The following ARPP21 variants were observed in gnomAD, a reference collection of about 807,000 sequenced individuals.
ARPP21 encodes the protein cAMP regulated phosphoprotein 21.
A neutral mutation model predicts 113.2 loss-of-function variants in ARPP21; 69 were observed. The ratio of observed to expected loss-of-function variants is 0.61; its 90% CI spans 0.50 to 0.74. ARPP21 has a LOEUF of 0.74. Ranked by LOEUF, ARPP21 falls within the 30% of genes least tolerant of loss-of-function variation. The pLI, the probability that ARPP21 is intolerant of heterozygous loss-of-function variation, is 0.00. For synonymous variants in ARPP21, 368 were observed against 375.5 expected (o/e 0.98, Z 0.23); for missense variants, 1,070 against 1,037.4 (o/e 1.03, Z -0.43).
chr3:35,723,628 A>C (rs1165171127), intron 14 of ARPP21, among the ~76,000 whole-genome samples: 1 of 152,222 alleles, frequency 6.6e-6, no homozygotes, highest in Non-Finnish European at 1.5e-5. Flanking sequence ...GTGCACTTAA[A>C]AATTCCAGCA....
chr3:35,788,898 C>T (rs2096686501), intron 19 of ARPP21, among the ~76,000 whole-genome samples: 1 of 152,210 alleles, frequency 6.6e-6, no homozygotes, highest in Non-Finnish European at 1.5e-5. Context: ...TTATAAACTC[C>T]TCGATCTTTG....
chr3:35,674,532 C>T (rs1348671626), intron 1 of ARPP21, among the ~76,000 whole-genome samples: 1 of 151,702 alleles, frequency 6.6e-6, no homozygotes, highest in African/African-American at 2.4e-5. Context: ...AATTATGATG[C>T]CTACCTACAA....
At chr3:35,657,149 T>A (rs1445308514) in intron 1 of ARPP21, among the ~76,000 whole-genome samples, 3 of 152,058 alleles carry the variant, frequency 2.0e-5, no homozygotes, top group Non-Finnish European at 4.4e-5. Context: ...GCTTTAAAAA[T>A]GATTTTCATG....
intron 1 of ARPP21, among the ~76,000 whole-genome samples, chr3:35,676,565 C>T (rs895148679): frequency 6.6e-6 from 1 of 151,906 alleles, no homozygotes; most frequent in African/African-American, 2.4e-5. Flanking sequence ...TAACAGAATG[C>T]CTGCACATGA....
At chr3:35,694,243 T>C (rs2083132895) in intron 9 of ARPP21, among the ~76,000 whole-genome samples, 2 of 151,520 alleles carry the variant, frequency 1.3e-5, no homozygotes, top group Admixed American at 6.6e-5. Context: ...TCTGTGAGGA[T>C]TACATATGTG....
At chr3:35,706,161 G>A (rs769963655) in intron 9 of ARPP21, among the ~76,000 whole-genome samples, 11 of 152,060 alleles carry the variant, frequency 7.2e-5, no homozygotes, top group East Asian at 1.9e-4. Context: ...AGAAACAAAC[G>A]TTTTAGCACT....
At chr3:35,692,154 G>A (rs952563026) in intron 9 of ARPP21, among the ~76,000 whole-genome samples, 3 of 151,650 alleles carry the variant, frequency 2.0e-5, no homozygotes, top group Admixed American at 1.3e-4. Context: ...ATATCTGCAG[G>A]ATAGTTTGAA....
At chr3:35,733,858 C>G (rs1186149141) in intron 15 of ARPP21, among the ~76,000 whole-genome samples, 1 of 152,112 alleles carries the variant, frequency 6.6e-6, no homozygotes, top group African/African-American at 2.4e-5. Context: ...TTTTTCTGTG[C>G]AATTATTTAG....
chr3:35,766,220 T>C (rs926314586), intron 19 of ARPP21, among the ~76,000 whole-genome samples: 3 of 152,266 alleles, frequency 2.0e-5, no homozygotes, highest in Admixed American at 6.5e-5. Context: ...ATTCTATTCA[T>C]TTGGTTAAAT....
In ARPP21 at chr3:35,712,967, T is replaced by C. The variant is rs955423992; in HGVS notation, c.898-2472T>C. On this transcript the variant is annotated intron_variant, in intron 11 of 20. Coordinates refer to ENST00000684406, the MANE Select transcript of ARPP21 (RefSeq NM_001385562.1). ...TTTCTGAAGGATATTTGTGTATAAATAGAGATTCAGTGAAGAGTTCATCTG... is the reference window on the plus strand; with the variant it reads ...TTTCTGAAGGATATTTGTGTATAAACAGAGATTCAGTGAAGAGTTCATCTG... Among the ~76,000 whole-genome samples the C allele has an allele frequency of 1.3e-5, 2 of 152,246 alleles. 1 individual carries two copies. The highest frequency in any genetic ancestry group is 6.8e-3 in the Middle Eastern group (2 of 294).
chr3:35,739,000 C>G (rs1485952889), intron 17 of ARPP21, among the ~76,000 whole-genome samples: 1 of 152,150 alleles, frequency 6.6e-6, no homozygotes, highest in Non-Finnish European at 1.5e-5. Flanking sequence ...GACAGAACAT[C>G]AAGCCTTCCT....
intron 1 of ARPP21, among the ~76,000 whole-genome samples, chr3:35,667,125 A>T (rs1273888693): frequency 6.6e-6 from 1 of 152,100 alleles, no homozygotes; most frequent in Non-Finnish European, 1.5e-5. Flanking sequence ...CTAAAATGTG[A>T]CTCTTTAAGG....
chr3:35,752,740 C>T (rs2095442678), intron 19 of ARPP21, among the ~76,000 whole-genome samples: 1 of 152,040 alleles, frequency 6.6e-6, no homozygotes, highest in Admixed American at 6.6e-5. Context: ...GTTTTGAAAG[C>T]AATGTAATAA....
chr3:35,697,712 A>C (rs1342625636), intron 9 of ARPP21, among the ~76,000 whole-genome samples: 4 of 151,696 alleles, frequency 2.6e-5, no homozygotes, highest in Non-Finnish European at 5.9e-5. Context: ...TAGTTTTCTG[A>C]AGAGGCTAAA....
chr3:35,660,182 A>G (rs1045773805), intron 1 of ARPP21, among the ~76,000 whole-genome samples: 1 of 152,186 alleles, frequency 6.6e-6, no homozygotes, highest in Non-Finnish European at 1.5e-5. Flanking sequence ...TCACTTCTAA[A>G]TTACTGAAAA....
chr3:35,748,910 T>G lies in ARPP21; in HGVS notation c.2137+4945T>G, dbSNP rs1026472318. ...TTCCTTCTTTACAGATAGGTGAAAC[T>G]ATTGCTCAGGGAGGTGAAATAAATT... On this transcript the variant is annotated intron_variant, in intron 19 of 20. Coordinates refer to ENST00000684406, the MANE Select transcript of ARPP21 (RefSeq NM_001385562.1). Among the ~76,000 whole-genome samples the G allele has an allele frequency of 1.1e-4, 16 of 152,336 alleles. No individual in the cohort carries two copies. In the East Asian group the frequency reaches 1.5e-3, roughly 15 times the overall value.
chr3:35,790,225 A>G (rs1052603007), intron 19 of ARPP21, among the ~76,000 whole-genome samples: 7 of 152,226 alleles, frequency 4.6e-5, no homozygotes, highest in Non-Finnish European at 8.8e-5. Context: ...GCCAGAAGTA[A>G]GGCCTTATTA....
chr3:35,654,477 A>G (rs1703893645), intron 1 of ARPP21, among the ~76,000 whole-genome samples: 1 of 152,226 alleles, frequency 6.6e-6, no homozygotes, highest in South Asian at 2.1e-4. Context: ...ACCGATATTG[A>G]GCATGAAATT....
chr3:35,780,124 A>G (rs1254018566), intron 19 of ARPP21, among the ~76,000 whole-genome samples: 1 of 152,088 alleles, frequency 6.6e-6, no homozygotes, highest in Non-Finnish European at 1.5e-5. Context: ...ATTTTCTTCA[A>G]GTTTTTATTT....
Sources: allele counts gnomAD v4.1 joint callset (sites outside exome capture counted in the v4.1 genomes callset), GRCh38; gene constraint gnomAD v4.1.1; transcripts MANE v1.5; gene names NCBI Gene and HGNC (gene_info 2026-07-23, HGNC 2026-07-21).